Variants in ERC1 observed in about 807,000 individuals in gnomAD.
ERC1 encodes ELKS/RAB6-interacting/CAST family member 1.
A neutral mutation model predicts 132.0 loss-of-function variants in ERC1; 56 were observed. The observed-to-expected ratio is 0.42, with a 90% CI of 0.34 to 0.53. The LOEUF (loss-of-function observed/expected upper bound fraction) is 0.53, where lower values mean the gene tolerates loss of function less well. Among genes scored for constraint, ERC1 ranks in the 20% least tolerant of loss-of-function variants. The pLI, the probability that ERC1 is intolerant of heterozygous loss-of-function variation, is 0.03. For synonymous variants in ERC1, 478 were observed against 476.1 expected (o/e 1.00, Z -0.05); for missense variants, 1,202 against 1,349.9 (o/e 0.89, Z 1.72).
chr12:1,254,165 A>G (rs890293744), intron 13 of ERC1, among the ~76,000 whole-genome samples: 6 of 152,222 alleles, frequency 3.9e-5, no homozygotes, highest in African/African-American at 9.6e-5. Flanking sequence ...TACTGCTTTC[A>G]TTTTAGGTGA....
chr12:1,063,786 C>G (rs1414139802), intron 2 of ERC1, among the ~76,000 whole-genome samples: 1 of 152,018 alleles, frequency 6.6e-6, no homozygotes, highest in Non-Finnish European at 1.5e-5. Context: ...CTTTTTTCCT[C>G]TCATTGTTTA....
chr12:1,351,431 A>G (rs1442280308), intron 15 of ERC1, among the ~76,000 whole-genome samples: 1 of 152,208 alleles, frequency 6.6e-6, no homozygotes, highest in Non-Finnish European at 1.5e-5. Flanking sequence ...ACCAGCGGTG[A>G]ATGAGAATTC....
rs578129021 is a variant in ERC1 at position 1,012,564 on chromosome 12, C to A, written c.-156-15184C>A. On this transcript the variant is annotated intron_variant, in intron 1 of 18. Coordinates refer to ENST00000360905, the MANE Select transcript of ERC1 (RefSeq NM_178040.4). ...CTTGGCTCCCTGCAACCTCCACCTC[C>A]TGGGTTCAAGCTATTCTTCTGCCTC... is the stretch of plus-strand genomic sequence containing the variant. Among the ~76,000 whole-genome samples, 7 of 149,882 alleles carry A rather than the reference C, an allele frequency of 4.7e-5. No homozygotes were observed. In the South Asian group the frequency reaches 1.5e-3, roughly 32 times the overall value.
intron 16 of ERC1, among the ~76,000 whole-genome samples, chr12:1,383,891 C>T (rs1412796024): frequency 2.0e-5 from 3 of 152,182 alleles, no homozygotes; most frequent in African/African-American, 7.2e-5. Context: ...TTAATCATCA[C>T]TACAGCCCTC....
At chr12:1,057,965 T>A (rs1327560653) in intron 2 of ERC1, among the ~76,000 whole-genome samples, 2 of 152,202 alleles carry the variant, frequency 1.3e-5, no homozygotes, top group Non-Finnish European at 2.9e-5. Flanking sequence ...AGATCTAGAC[T>A]ATTTAGATCC....
chr12:1,180,376 G>A (rs1051224590), intron 8 of ERC1, among the ~76,000 whole-genome samples, 164 bp from the exon 9 acceptor site: 1 of 151,888 alleles, frequency 6.6e-6, no homozygotes, highest in African/African-American at 2.4e-5. Context: ...CAAATTTAAG[G>A]TTTTGCATGT....
At chr12:1,477,428 G>C (rs938295270) in intron 18 of ERC1, among the ~76,000 whole-genome samples, 2 of 152,142 alleles carry the variant, frequency 1.3e-5, no homozygotes, top group African/African-American at 4.8e-5. Context: ...TAGACCTCAG[G>C]AAACCCCTGC....
At chr12:1,258,739 C>T (rs2154320842) in intron 13 of ERC1, among the ~76,000 whole-genome samples, 1 of 152,296 alleles carries the variant, frequency 6.6e-6, no homozygotes, top group South Asian at 2.1e-4. Context: ...CCATGGTTAT[C>T]AAAAGACTTG....
Position 1,444,769 on chromosome 12 carries a change from C to A in ERC1, c.3213+19C>A. On this transcript the variant is annotated intron_variant, in intron 18 of 18. Coordinates refer to ENST00000360905, the MANE Select transcript of ERC1 (RefSeq NM_178040.4). ...GGGGCAGGTGAGCCTCTCACTCAAA[C>A]TTTGAAAAGAGCCTGTGAAAATCCA... 1 of 1,609,702 alleles carries A rather than the reference C, an allele frequency of 6.2e-7. No homozygotes were observed. The highest frequency in any genetic ancestry group is 8.5e-7 in the Non-Finnish European group (1 of 1,178,014).
chr12:1,307,604 T>C (rs2080978991), intron 15 of ERC1, among the ~76,000 whole-genome samples: 1 of 152,206 alleles, frequency 6.6e-6, no homozygotes, highest in African/African-American at 2.4e-5. Context: ...CAGAGCTGTG[T>C]TTGGTTTTTG....
intron 15 of ERC1, 48 bp downstream of exon 15, chr12:1,290,060 C>G: frequency 1.3e-6 from 2 of 1,512,994 alleles, no homozygotes; most frequent in Non-Finnish European, 1.8e-6. Flanking sequence ...AGTGGAAATA[C>G]TTTTTCTCCC....
chr12:1,128,826 T>C (rs897696840), intron 7 of ERC1, among the ~76,000 whole-genome samples: 6 of 152,164 alleles, frequency 3.9e-5, no homozygotes, highest in South Asian at 2.1e-4. Flanking sequence ...ACATGAAATA[T>C]ATAGTAACTA....
In ERC1 at chr12:1,189,485, C is replaced by A. The variant is rs148958267; in HGVS notation, c.2158-374C>A. The stretch of plus-strand genomic sequence containing the variant: ...AGGTCTCTGCACTGGTCCGGCTATA[C>A]GATCAGCAGTGAGTCCCTGGTGTTG... On this transcript the variant is annotated intron_variant, in intron 11 of 18. Coordinates refer to ENST00000360905, the MANE Select transcript of ERC1 (RefSeq NM_178040.4). Among the ~76,000 whole-genome samples, 506 of 152,274 alleles carry A rather than the reference C, an allele frequency of 3.3e-3. 6 individuals are homozygous for A. Among genetic ancestry groups the A allele is most frequent in the African/African-American group, 0.011 (454 of 41,556 alleles).
rs1213481340 is a variant in ERC1 at position 1,222,874 on chromosome 12, A to G, written c.2352-13895A>G. Among the ~76,000 whole-genome samples the G allele has an allele frequency of 2.0e-5, 3 of 152,240 alleles. No homozygotes were observed. The East Asian group carries it at 5.8e-4, about 29-fold the overall frequency. ...GGAAGGAGTAAGTTAAAGACAGATA[A>G]TAAAAATTCCTTTACCAATTAATTT... On this transcript the variant is annotated intron_variant, in intron 12 of 18. Transcript: ENST00000360905.
At chr12:1,021,766 G>C (rs1966416999) in intron 1 of ERC1, among the ~76,000 whole-genome samples, 1 of 151,798 alleles carries the variant, frequency 6.6e-6, no homozygotes, top group Non-Finnish European at 1.5e-5. Context: ...CAAACCCACT[G>C]CCTGTGTAGC....
intron 1 of ERC1, among the ~76,000 whole-genome samples, chr12:1,017,829 AG>A (rs35372023): frequency 0.029 from 4,371 of 152,240 alleles, 90 homozygotes; most frequent in Non-Finnish European, 0.048. Context: ...CTCAAAATAT[AG>A]GGTACAAAAT....
chr12:1,486,836 T>C (rs2154433920), intron 18 of ERC1, among the ~76,000 whole-genome samples: 1 of 152,298 alleles, frequency 6.6e-6, no homozygotes, highest in African/African-American at 2.4e-5. Context: ...CTACTTAACA[T>C]AACAGAAGCC....
At chr12:1,195,876 C>CCT (rs1555299173) in intron 12 of ERC1, among the ~76,000 whole-genome samples, 2 of 68,854 alleles carry the variant, frequency 2.9e-5, no homozygotes, top group Non-Finnish European at 4.8e-5. Context: ...CTTATTTCCG[C>CCT]CCCCCCCCCC....
Position 994,066 on chromosome 12 carries a change from C to CAAAAA in ERC1, c.-157+2769_-157+2773dup, listed in dbSNP as rs72073964. On this transcript the variant is annotated intron_variant, in intron 1 of 18. Transcript: ENST00000360905. ...CCTGAGTCACGGCAAAACTCCGTCT[C>CAAAAA]AAAAAAAAAAAAAAAAAAAAAAAAA... 4.2e-3 allele frequency among the ~76,000 whole-genome samples: 270 copies of CAAAAA among 64,256 alleles called. 25 individuals are homozygous for CAAAAA. The highest frequency in any genetic ancestry group is 5.0e-3 in the African/African-American group (101 of 20,246). The allele number at this position is 64,256 out of a possible 152,430, so 42.2% of individuals were successfully genotyped here. A position where few individuals can be genotyped will look rare whatever the true frequency, so the allele number is the denominator to read the frequency against.
Sources: allele counts gnomAD v4.1 joint callset (sites outside exome capture counted in the v4.1 genomes callset), GRCh38; gene constraint gnomAD v4.1.1; transcripts MANE v1.5; gene names NCBI Gene and HGNC (gene_info 2026-07-23, HGNC 2026-07-21).